The following RNF175 variants were observed in gnomAD, a reference collection of about 807,000 sequenced individuals.
RNF175 encodes the protein ring finger protein 175.
A neutral mutation model predicts 50.0 loss-of-function variants in RNF175; 38 were observed. The ratio of observed to expected loss-of-function variants is 0.76; its 90% confidence interval spans 0.59 to 1.00. RNF175 has a LOEUF of 1.00. RNF175 is among the 50% of genes least tolerant of loss of function. The pLI is 0.00. For synonymous variants in RNF175, 155 were observed against 146.1 expected (o/e 1.06, Z -0.44); for missense variants, 388 against 409.6 (o/e 0.95, Z 0.46).
intron 4 of RNF175, among the ~76,000 whole-genome samples, chr4:153,727,128 A>C (rs1253381762): frequency 1.3e-5 from 2 of 152,230 alleles, no homozygotes; most frequent in African/African-American, 4.8e-5. Flanking sequence ...ATTTTGATTC[A>C]TCCCAAACTC....
At chr4:153,728,814 G>A (rs1454823894) in intron 3 of RNF175, among the ~76,000 whole-genome samples, 1 of 152,208 alleles carries the variant, frequency 6.6e-6, no homozygotes, top group Non-Finnish European at 1.5e-5. Flanking sequence ...CTTTGTTACT[G>A]TCATGTATCC....
intron 3 of RNF175, among the ~76,000 whole-genome samples, chr4:153,747,603 T>G (rs1347673559): frequency 6.6e-6 from 1 of 152,258 alleles, no homozygotes; most frequent in Non-Finnish European, 1.5e-5. Context: ...CCATGACCAC[T>G]TAAGTGATCG....
rs1325216298 is a variant in RNF175, at chr4:153,718,226, G to GTTTTTTT, written c.630+1957_630+1958insAAAAAAA. 1.6e-3 allele frequency among the ~76,000 whole-genome samples: 50 copies of GTTTTTTT among 30,572 alleles called. 1 individual carries two copies. Among genetic ancestry groups the GTTTTTTT allele is most frequent in the African/African-American group, 3.2e-3 (39 of 12,240 alleles). 20.1% of individuals were successfully genotyped at this position (30,572 alleles called of 152,430 possible). On this transcript the variant is annotated intron_variant, in intron 6 of 8. Transcript: ENST00000347063. ...CCTAAGGAGTTTTTTTTGTTTGTTT[G>GTTTTTTT]TTTGTTTGTTTGTTTTTTTTTTTTT...
At chr4:153,741,100 TATC>T (rs1739632827) in intron 3 of RNF175, among the ~76,000 whole-genome samples, 2 of 152,236 alleles carry the variant, frequency 1.3e-5, no homozygotes, top group African/African-American at 4.8e-5. Flanking sequence ...AGCATTCTGT[TATC>T]ATATGGTTAA....
chr4:153,744,574 T>C (rs1322548032), intron 3 of RNF175, among the ~76,000 whole-genome samples: 1 of 152,208 alleles, frequency 6.6e-6, no homozygotes. Flanking sequence ...AACATTTTTT[T>C]CTACATCAAT....
chr4:153,710,974 G>T (rs1054313712), intron 8 of RNF175, among the ~76,000 whole-genome samples: 1 of 152,146 alleles, frequency 6.6e-6, no homozygotes, highest in African/African-American at 2.4e-5. Flanking sequence ...AATGCATAGT[G>T]TCTCCGACAA....
intron 1 of RNF175, among the ~76,000 whole-genome samples, chr4:153,753,193 G>A (rs1740382814): frequency 6.6e-6 from 1 of 152,212 alleles, no homozygotes; most frequent in Non-Finnish European, 1.5e-5. Flanking sequence ...AGCAGAATGT[G>A]TGTGCTAAGA....
chr4:153,750,505 A>C lies in RNF175; in HGVS notation c.104+933T>G, dbSNP rs556076102. The stretch of plus-strand genomic sequence containing the variant: ...GGGATTCTCAGAATGTCAGTGCTGG[A>C]AGTTACCATAGATGGAATGAATCTC... On this transcript the variant is annotated intron_variant, in intron 2 of 8. Transcript: ENST00000347063. Among the ~76,000 whole-genome samples the C allele has an allele frequency of 2.7e-4, 41 of 152,240 alleles. 1 individual carries two copies. The highest frequency in any genetic ancestry group is 1.4e-3 in the Admixed American group (21 of 15,282).
chr4:153,759,688 C>G lies in RNF175; in HGVS notation c.66+109G>C, dbSNP rs1399963387. 23 of 687,504 alleles carry G rather than the reference C, an allele frequency of 3.3e-5. 1 individual carries two copies. The highest frequency in any genetic ancestry group is 5.1e-5 in the Non-Finnish European group (23 of 450,042). 42.6% of individuals were successfully genotyped at this position (687,504 alleles called of 1,614,324 possible). A position where few individuals can be genotyped will look rare whatever the true frequency, so the allele number is the denominator to read the frequency against. On this transcript the variant is annotated intron_variant, in intron 1 of 8. Transcript: ENST00000347063. ...ACGTCTTTCCAGGGCCGGTTCTCCC[C>G]GGTGGGGCCCGGGGTCTTGGAGACC...
intron 6 of RNF175, among the ~76,000 whole-genome samples, chr4:153,718,237 TG>T (rs61096162): frequency 0.076 from 7,995 of 105,850 alleles, 1,407 homozygotes; most frequent in East Asian, 0.18. Flanking sequence ...TTTGTTTGTT[TG>T]TTTTTTTTTT....
chr4:153,744,182 G>A (rs1739839017), intron 3 of RNF175, among the ~76,000 whole-genome samples: 1 of 152,180 alleles, frequency 6.6e-6, no homozygotes, highest in Admixed American at 6.5e-5. Context: ...AGCACTTTGG[G>A]AGGCCAAGGC....
chr4:153,712,610 G>A (rs1460116153), intron 7 of RNF175, 34 bp from the exon 8 acceptor site: 25 of 1,387,334 alleles, frequency 1.8e-5, no homozygotes, highest in Non-Finnish European at 2.6e-5. Context: ...TTCTAGATAT[G>A]AAAAGGCAAT....
chr4:153,757,712 A>G (rs1740630513), intron 1 of RNF175, among the ~76,000 whole-genome samples: 1 of 151,814 alleles, frequency 6.6e-6, no homozygotes. Flanking sequence ...CTGGAAAGCA[A>G]GCCTTAGACA....
chr4:153,716,730 G>A (rs77401162), intron 6 of RNF175, among the ~76,000 whole-genome samples: 3,284 of 152,250 alleles, frequency 0.022, 112 homozygotes, highest in African/African-American at 0.075. Context: ...TGCAGAGCAG[G>A]TTGGCAGGCC....
At chr4:153,723,184 C>T in intron 5 of RNF175, 167 bp downstream of exon 5, 3 of 416,500 alleles carry the variant, frequency 7.2e-6, no homozygotes, top group East Asian at 3.5e-5. Flanking sequence ...TTCTTTCTTC[C>T]CTTTCTATTG....
intron 5 of RNF175, among the ~76,000 whole-genome samples, chr4:153,722,625 C>T (rs1402108105): frequency 2.6e-5 from 4 of 152,104 alleles, no homozygotes; most frequent in Admixed American, 1.3e-4. Flanking sequence ...TCGAAGCACT[C>T]ACTTTTTCCT....
chr4:153,760,013 G>A lies in RNF175; in HGVS notation c.-151C>T. 1 of 431,372 alleles carries A rather than the reference G, an allele frequency of 2.3e-6. No individual in the cohort carries two copies. The highest frequency in any genetic ancestry group is 4.0e-6 in the Non-Finnish European group (1 of 253,032). 26.7% of individuals were successfully genotyped at this position (431,372 alleles called of 1,614,324 possible). On this transcript the variant is annotated 5_prime_UTR_variant, in exon 1 of 9. Coordinates refer to ENST00000347063, the MANE Select transcript of RNF175 (RefSeq NM_173662.4). ...AGCGGCGGCCCTGCCCGGGTTGTGC[G>A]GGGCGGGAGATGGGAGCCTCCCGGC...
intron 4 of RNF175, among the ~76,000 whole-genome samples, chr4:153,724,566 C>T (rs1320448503): frequency 6.6e-6 from 1 of 152,150 alleles, no homozygotes; most frequent in East Asian, 1.9e-4. Flanking sequence ...CCCTCTCACC[C>T]CCAAGTCCTG....
At chr4:153,746,099 T>G (rs1467779813) in intron 3 of RNF175, among the ~76,000 whole-genome samples, 1 of 152,252 alleles carries the variant, frequency 6.6e-6, no homozygotes, top group Non-Finnish European at 1.5e-5. Context: ...CAATTCATCC[T>G]GAGGCAAATT....
Sources: gnomAD v4.1 joint callset for allele counts (sites outside exome capture counted in the v4.1 genomes callset) on GRCh38, gnomAD v4.1.1 for gene constraint, MANE v1.5 for transcripts, NCBI Gene and HGNC (gene_info 2026-07-23, HGNC 2026-07-21) for gene names.